Variants in WDR70 observed in about 807,000 individuals in gnomAD.
WDR70 encodes WD repeat-containing protein 70.
Under a neutral mutation model 88.6 loss-of-function variants are expected in WDR70, and 53 were observed. The ratio of observed to expected loss-of-function variants is 0.60; its 90% CI spans 0.48 to 0.75. WDR70 has a LOEUF of 0.75. WDR70 is among the 30% of genes least tolerant of loss of function. The pLI, the probability that WDR70 is intolerant of heterozygous loss-of-function variation, is 0.00. For synonymous variants in WDR70, 280 were observed against 270.0 expected (o/e 1.04, Z -0.36); for missense variants, 610 against 823.2 (o/e 0.74, Z 3.17).
At chr5:37,491,416 T>G (rs1660799861) in intron 8 of WDR70, among the ~76,000 whole-genome samples, 1 of 152,236 alleles carries the variant, frequency 6.6e-6, no homozygotes, top group Admixed American at 6.5e-5. Flanking sequence ...GCTGATATTG[T>G]TCAGTGCCTT....
At chr5:37,604,810 G>A (rs528469940) in intron 9 of WDR70, among the ~76,000 whole-genome samples, 129 of 152,292 alleles carry the variant, frequency 8.5e-4, no homozygotes, top group Admixed American at 3.5e-3. Context: ...AACGTTGATC[G>A]ATTGGAAGTA....
intron 10 of WDR70, among the ~76,000 whole-genome samples, chr5:37,685,752 A>G (rs894874163): frequency 2.0e-5 from 3 of 152,038 alleles, no homozygotes; most frequent in Non-Finnish European, 4.4e-5. Flanking sequence ...CTAAGTGTCC[A>G]TGGTGGTTGA....
intron 10 of WDR70, among the ~76,000 whole-genome samples, chr5:37,668,691 G>A (rs1745934526): frequency 6.6e-6 from 1 of 152,182 alleles, no homozygotes; most frequent in African/African-American, 2.4e-5. Context: ...ACACATCTAA[G>A]TGGTTGAGCT....
intron 10 of WDR70, among the ~76,000 whole-genome samples, chr5:37,648,266 C>A (rs1745296336): frequency 6.6e-6 from 1 of 152,074 alleles, no homozygotes; most frequent in Non-Finnish European, 1.5e-5. Context: ...AGCCTCTGAG[C>A]TCTATGAAAG....
chr5:37,707,889 G>A (rs1366809777), intron 13 of WDR70, among the ~76,000 whole-genome samples: 1 of 130,480 alleles, frequency 7.7e-6, no homozygotes. Context: ...ACTCCAGCCT[G>A]GGCGACAGGG....
chr5:37,580,504 T>C (rs1228548697), intron 9 of WDR70, among the ~76,000 whole-genome samples: 2 of 152,216 alleles, frequency 1.3e-5, no homozygotes, highest in African/African-American at 4.8e-5. Context: ...ATGCCCCTAA[T>C]TGAATTCTAG....
chr5:37,482,714 A>G (rs1311728094), intron 8 of WDR70, among the ~76,000 whole-genome samples: 1 of 152,180 alleles, frequency 6.6e-6, no homozygotes, highest in African/African-American at 2.4e-5. Context: ...CTGGCTTCAG[A>G]TCTTAGACAG....
At chr5:37,414,880 TAAAC>T (rs1407920913) in intron 5 of WDR70, among the ~76,000 whole-genome samples, 3 of 149,452 alleles carry the variant, frequency 2.0e-5, no homozygotes, top group Non-Finnish European at 4.4e-5. Flanking sequence ...GGTCAGCAGA[TAAAC>T]AAGTGAACAA....
intron 10 of WDR70, among the ~76,000 whole-genome samples, chr5:37,631,876 T>A (rs1744828399): frequency 6.6e-6 from 1 of 152,186 alleles, no homozygotes; most frequent in Non-Finnish European, 1.5e-5. Flanking sequence ...CTACTACTTA[T>A]CTGTGCACCC....
intron 10 of WDR70, among the ~76,000 whole-genome samples, chr5:37,676,624 G>A (rs1172362636): frequency 2.6e-5 from 4 of 152,026 alleles, no homozygotes; most frequent in Non-Finnish European, 4.4e-5. Flanking sequence ...TGTGCTGCTG[G>A]ATTCGGTTTG....
chr5:37,667,986 A>G (rs555751270), intron 10 of WDR70, among the ~76,000 whole-genome samples: 1 of 152,278 alleles, frequency 6.6e-6, no homozygotes, highest in Admixed American at 6.5e-5. Flanking sequence ...TCTTCAAGAC[A>G]AGGCCATGGT....
Position 37,726,982 on chromosome 5 carries a change from C to T in WDR70, c.1814C>T (p.Ala605Val), listed in dbSNP as rs755371468. The T allele has an allele frequency of 6.2e-7, 1 of 1,611,084 alleles. No individual in the cohort carries two copies. The highest frequency in any genetic ancestry group is 8.5e-7 in the Non-Finnish European group (1 of 1,178,682). ...DKTDDSNPRE[A>V]ILRHAKAAED... The stretch of plus-strand genomic sequence containing the variant: ...ACCGATGACAGTAATCCTCGGGAAG[C>T]CATTTTGCGTCATGCCAAAGCAGCA... Residue 605 changes from alanine (A) to valine (V), a missense_variant, in exon 17 of 18, where the codon GCC becomes GTC. Transcript: ENST00000265107.
intron 5 of WDR70, among the ~76,000 whole-genome samples, chr5:37,408,170 G>A (rs79968301): frequency 0.036 from 5,415 of 152,016 alleles, 329 homozygotes; most frequent in African/African-American, 0.12. Context: ...ATTTTTGTCA[G>A]TAAGAAGGTA....
At chr5:37,714,318 C>T (rs1747595314) in intron 13 of WDR70, among the ~76,000 whole-genome samples, 1 of 152,116 alleles carries the variant, frequency 6.6e-6, no homozygotes, top group Admixed American at 6.6e-5. Context: ...TTATGCCTAT[C>T]TCTGTTGATA....
chr5:37,510,197 A>G (rs1008866318), intron 8 of WDR70, among the ~76,000 whole-genome samples: 1 of 152,090 alleles, frequency 6.6e-6, no homozygotes, highest in Non-Finnish European at 1.5e-5. Context: ...AGATTTACCA[A>G]TTGCTAACAT....
chr5:37,654,419 G>A (rs1433388959), intron 10 of WDR70, among the ~76,000 whole-genome samples: 1 of 152,178 alleles, frequency 6.6e-6, no homozygotes, highest in African/African-American at 2.4e-5. Context: ...TGTATGTTCT[G>A]TTGATCTGGT....
intron 7 of WDR70, among the ~76,000 whole-genome samples, chr5:37,470,131 AAAAAC>A (rs1332685853): frequency 9.5e-4 from 7 of 7,404 alleles, no homozygotes; most frequent in Non-Finnish European, 0.024. Context: ...AAACAAAAAC[AAAAAC>A]AAAAAAAAAC....
chr5:37,505,877 C>T, intron 8 of WDR70: 1 of 1,360,032 alleles, frequency 7.4e-7, no homozygotes, highest in Non-Finnish European at 1.1e-6. Flanking sequence ...TTAAGGTAGC[C>T]ACTCTCAAGT....
intron 10 of WDR70, among the ~76,000 whole-genome samples, chr5:37,635,982 T>G (rs1056886243): frequency 1.1e-4 from 17 of 152,210 alleles, no homozygotes; most frequent in African/African-American, 3.1e-4. Context: ...TGTATTTGCT[T>G]CTTCTTCCTT....
Sources: allele counts gnomAD v4.1 joint callset (sites outside exome capture counted in the v4.1 genomes callset), GRCh38; gene constraint gnomAD v4.1.1; transcripts MANE v1.5; gene names NCBI Gene and HGNC (gene_info 2026-07-23, HGNC 2026-07-21).